Variants in CPNE2 observed in about 807,000 individuals in gnomAD.
CPNE2 encodes copine-2.
Under a neutral mutation model 69.7 loss-of-function variants are expected in CPNE2, and 42 were observed. The ratio of observed to expected loss-of-function variants is 0.60; its 90% CI spans 0.47 to 0.78. The LOEUF (loss-of-function observed/expected upper bound fraction) is 0.78, where lower values mean the gene tolerates loss of function less well. Ranked by LOEUF, CPNE2 falls within the 30% of genes least tolerant of loss-of-function variation. The pLI is 0.00. For missense variants in CPNE2, 587 were observed against 732.0 expected (o/e 0.80, Z 2.29); for synonymous variants, 294 against 289.8 (o/e 1.01, Z -0.15).
At chr16:57,117,301 T>C (rs1341718504) in intron 4 of CPNE2, among the ~76,000 whole-genome samples, 195 bp from the exon 5 acceptor site, 3 of 152,100 alleles carry the variant, frequency 2.0e-5, no homozygotes, top group African/African-American at 7.2e-5. Flanking sequence ...CATCTCCAGA[T>C]GGGTTATTTT....
At chr16:57,120,393 T>TGAGGCCTCTCACCC (rs2069752965) in intron 7 of CPNE2, among the ~76,000 whole-genome samples, 1 of 150,732 alleles carries the variant, frequency 6.6e-6, no homozygotes, top group Non-Finnish European at 1.5e-5. Flanking sequence ...GCCTCTCACG[T>TGAGGCCTCTCACCC]GAGGCCTCTC....
chr16:57,133,737 C>T (rs542187950), intron 12 of CPNE2, among the ~76,000 whole-genome samples: 107 of 152,246 alleles, frequency 7.0e-4, no homozygotes, highest in Non-Finnish European at 1.4e-3. Flanking sequence ...GACCTCAGTT[C>T]GAGTCCCAGC....
Position 57,110,789 on chromosome 16 carries a change from C to T in CPNE2, c.47C>T (p.Pro16Leu), listed in dbSNP as rs141879730. Residue 16 changes from proline to leucine, a missense_variant, in exon 2 of 16, where the codon CCC (proline) becomes CTC (leucine). Physicochemically the swap from Pro to Leu is moderately conservative, Grantham distance 98. Coordinates refer to ENST00000290776, the MANE Select transcript of CPNE2 (RefSeq NM_152727.6). ...GGTGCCCCAGCAGCGGGGGCAGCCCCCATGGGCCCCCAGTATTGCGTGTGC... is the reference window on the plus strand; with the variant it reads ...GGTGCCCCAGCAGCGGGGGCAGCCCTCATGGGCCCCCAGTATTGCGTGTGC... ...SGGAPAAGAA[P>L]MGPQYCVCKV... The T allele has an allele frequency of 3.7e-5, 59 of 1,613,612 alleles. No homozygotes were observed. The African/African-American group carries it at 7.7e-4, about 21-fold the overall frequency.
At chr16:57,136,514 C>T (rs1462128123) in intron 13 of CPNE2, among the ~76,000 whole-genome samples, 2 of 152,152 alleles carry the variant, frequency 1.3e-5, no homozygotes, top group African/African-American at 2.4e-5. Context: ...GCCTGAGAGA[C>T]CCCCCTCCTG....
rs1274855446 is a variant in CPNE2, at chr16:57,130,496, T to G, written c.1116+2593T>G. 6.6e-6 allele frequency among the ~76,000 whole-genome samples: 1 copy of G among 151,882 alleles called. No homozygotes were observed. The highest frequency in any genetic ancestry group is 1.9e-4 in the East Asian group (1 of 5,150). On this transcript the variant is annotated intron_variant, in intron 12 of 15. Transcript: ENST00000290776. The surrounding 1 kb of genome is among the most constrained non-coding windows in gnomAD (Gnocchi z 4.1). ...GAGGGAGGGGCAGAAAGCAAACCCA[T>G]AAGTAGCAGCATTTATTGGGCCCTT...
At chr16:57,138,632 C>G (rs147444169) in intron 14 of CPNE2, among the ~76,000 whole-genome samples, 44 of 81,548 alleles carry the variant, frequency 5.4e-4, no homozygotes, top group East Asian at 7.5e-4. Context: ...GCCTCCTCCC[C>G]CAAGCAGCCT....
intron 1 of CPNE2, among the ~76,000 whole-genome samples, chr16:57,105,305 TG>T (rs2069641060): frequency 6.6e-6 from 1 of 152,158 alleles, no homozygotes; most frequent in African/African-American, 2.4e-5. Context: ...CCTAGTTTTC[TG>T]GCTAAAACCG....
At chr16:57,125,418 G>A (rs560100836) in intron 10 of CPNE2, 2 of 452,422 alleles carry the variant, frequency 4.4e-6, no homozygotes, top group East Asian at 7.0e-5. Flanking sequence ...TGGGTTGGGG[G>A]TGAGGTTATC....
At chr16:57,124,989 C>A in intron 10 of CPNE2, 1 of 299,072 alleles carries the variant, frequency 3.3e-6, no homozygotes, top group Non-Finnish European at 6.8e-6. Context: ...ACATGCTGCC[C>A]CTGACCTGGG....
At chr16:57,145,756 G>C in intron 14 of CPNE2, 1 of 327,000 alleles carries the variant, frequency 3.1e-6, no homozygotes, top group Non-Finnish European at 5.7e-6. Context: ...CAGTTGCCTA[G>C]AGTCCCACAG....
rs771986518 is a variant in CPNE2 at position 57,119,630 on chromosome 16, G to T, written c.661G>T (p.Asp221Tyr). 1.9e-6 allele frequency: 3 copies of T among 1,611,630 alleles called. No homozygotes were observed. The highest frequency in any genetic ancestry group is 4.5e-5 in the East Asian group (2 of 44,832). ...TVPLVSLCDG[D>Y]MEKPIQVMCY... ...GCCCTTGGTGTCCCTGTGTGATGGG[G>T]ACATGGAGAAGCCCATCCAGGTGAG... The change falls in exon 7 of 16, where the codon GAC becomes TAC. Residue 221 changes from aspartate (D) to tyrosine (Y), a missense_variant. By Grantham distance (160) the Asp-to-Tyr change is radical. Coordinates refer to ENST00000290776, the MANE Select transcript of CPNE2 (RefSeq NM_152727.6).
chr16:57,117,555 G>T lies in CPNE2; in HGVS notation c.495G>T (p.Arg165Ser). The change falls in exon 5 of 16, where the codon AGG (arginine) becomes AGT (serine). Residue 165 changes from arginine (R) to serine (S), a missense_variant. By Grantham distance (110) the Arg-to-Ser change is moderately radical. This residue lies in a region of CPNE2 where 269 missense variants were observed against 300.5 expected (regional missense o/e 0.90). Coordinates refer to ENST00000290776, the MANE Select transcript of CPNE2 (RefSeq NM_152727.6). ...RVITLSLAGR[R>S]LDKKDLFGKS... ...TCACACTAAGCCTGGCGGGCAGGAG[G>T]CTGGACAAGAAGGTAAGGCGGGCAG... The T allele has an allele frequency of 6.2e-7, 1 of 1,613,884 alleles. No homozygotes were observed. Among genetic ancestry groups the T allele is most frequent in the Non-Finnish European group, 8.5e-7 (1 of 1,179,916 alleles).
chr16:57,122,255 T>G (rs1330904696), intron 9 of CPNE2, among the ~76,000 whole-genome samples: 1 of 152,190 alleles, frequency 6.6e-6, no homozygotes, highest in African/African-American at 2.4e-5. Flanking sequence ...GGCAAATAAC[T>G]GCTGGATCTG....
intron 12 of CPNE2, among the ~76,000 whole-genome samples, chr16:57,129,498 G>A (rs964169769): frequency 5.9e-5 from 9 of 152,180 alleles, no homozygotes; most frequent in African/African-American, 2.2e-4. Flanking sequence ...CAGCAGGGGA[G>A]ATGGTAAGGT....
chr16:57,121,685 G>A lies in CPNE2; in HGVS notation c.792G>A (p.Glu264=), dbSNP rs748386130. 2.0e-5 allele frequency: 33 copies of A among 1,614,028 alleles called. No individual in the cohort carries two copies. The South Asian group carries it at 2.5e-4, about 12-fold the overall frequency. ...TTTGCGTTGCCCAGCTGGAGTTCGA[G>A]TGCATCAACCCCAAGAAGCAGAGGA... ...EARDSVPLEF[E]CINPKKQRKK... is the part of the protein sequence containing the mutation. The change falls in exon 9 of 16, where the codon GAG becomes GAA. Residue 264 remains glutamate (E), a synonymous_variant. Transcript: ENST00000290776.
intron 14 of CPNE2, among the ~76,000 whole-genome samples, chr16:57,139,790 G>C (rs2069908247): frequency 6.6e-6 from 1 of 152,184 alleles, no homozygotes; most frequent in Non-Finnish European, 1.5e-5. Context: ...GTACCCTGGA[G>C]TGGCGGGTGC....
At position 57,148,129 on chromosome 16, in the gene CPNE2, C is replaced by T. The variant is rs1233067375; in HGVS notation, c.*471C>T. 6.6e-6 allele frequency: 1 copy of T among 152,426 alleles called. No individual in the cohort carries two copies. Among genetic ancestry groups the T allele is most frequent in the African/African-American group, 2.4e-5 (1 of 41,392 alleles). The allele number at this position is 152,426 out of a possible 1,614,324, so 9.4% of individuals were successfully genotyped here. ...GGGTAACAAATGAGTTTCAGACGTC[C>T]CTGCGTCAGCTCCTTCCTCAGCAGG... On this transcript the variant is annotated 3_prime_UTR_variant, in exon 16 of 16. Transcript: ENST00000290776.
intron 1 of CPNE2, among the ~76,000 whole-genome samples, chr16:57,097,396 G>C (rs1237544864): frequency 1.3e-5 from 2 of 152,136 alleles, no homozygotes; most frequent in Non-Finnish European, 1.5e-5. Context: ...ACAACCAAAT[G>C]GATGGCTGCA....
chr16:57,103,683 G>A (rs1045693169), intron 1 of CPNE2, among the ~76,000 whole-genome samples: 11 of 151,974 alleles, frequency 7.2e-5, no homozygotes, highest in South Asian at 2.1e-4. Context: ...CCTCCTCTCC[G>A]CCCATTTCTA....
Sources: allele counts gnomAD v4.1 joint callset (sites outside exome capture counted in the v4.1 genomes callset), GRCh38; gene constraint gnomAD v4.1.1; regional missense constraint gnomAD v4.1.1; non-coding constraint Gnocchi (gnomAD v3.1); transcripts MANE v1.5; gene names NCBI Gene and HGNC (gene_info 2026-07-23, HGNC 2026-07-21).